The following NPR1 variants were observed in gnomAD, a reference collection of about 807,000 sequenced individuals.
NPR1 encodes the protein natriuretic peptide receptor 1.
Under a neutral mutation model 116.9 loss-of-function variants are expected in NPR1, and 57 were observed. The ratio of observed to expected loss-of-function variants is 0.49; its 90% CI spans 0.39 to 0.61. NPR1 has a LOEUF of 0.61. Among genes scored for constraint, NPR1 ranks in the 20% least tolerant of loss-of-function variants. The pLI is 0.00. For missense variants in NPR1, 1,096 were observed against 1,409.8 expected, an observed-to-expected ratio of 0.78 and a Z score of 3.56; for synonymous variants, 555 against 601.6, an observed-to-expected ratio of 0.92 and a Z score of 1.13.
chr1:153,684,923 G>C, intron 7 of NPR1, 41 bp from the exon 8 acceptor site: 1 of 1,610,802 alleles, frequency 6.2e-7, no homozygotes, highest in Non-Finnish European at 8.5e-7. Flanking sequence ...CCCTGGGTCA[G>C]CGGCTCAGCC....
At chr1:153,692,006 G>C (rs1000718417) in intron 20 of NPR1, among the ~76,000 whole-genome samples, 2 of 152,096 alleles carry the variant, frequency 1.3e-5, no homozygotes, top group African/African-American at 4.8e-5. Flanking sequence ...TGGTCAAAGA[G>C]AGGGTGTGGC....
Position 153,681,838 on chromosome 1 carries a change from A to G in NPR1, c.1170A>G (p.Gln390=). 1 of 1,613,738 alleles carries G rather than the reference A, an allele frequency of 6.2e-7. No individual in the cohort carries two copies. The highest frequency in any genetic ancestry group is 2.2e-5 in the East Asian group (1 of 44,874). ...ITQRMWNRSF[Q]GVTGYLKIDS... is the part of the protein sequence containing the mutation. The stretch of plus-strand genomic sequence containing the variant: ...AGCGGATGTGGAACCGAAGCTTTCA[A>G]GGTCAGGGCCTGGAGGTGGCTGGAA... Residue 390 remains glutamine (Q), a splice_region_variant and synonymous_variant, in exon 4 of 22, where the codon CAA becomes CAG. Transcript: ENST00000368680.
At chr1:153,686,521 A>C in intron 10 of NPR1, 125 bp from the exon 11 acceptor site, 1 of 823,588 alleles carries the variant, frequency 1.2e-6, no homozygotes, top group Non-Finnish European at 2.0e-6. Flanking sequence ...TCACCAGGGA[A>C]GATCTTAGTG....
In NPR1 at chr1:153,685,820, C is replaced by A; in HGVS notation, c.1620C>A (p.Tyr540Ter). The A allele has an allele frequency of 6.2e-7, 1 of 1,614,038 alleles. No individual in the cohort carries two copies. Among genetic ancestry groups the A allele is most frequent in the Non-Finnish European group, 8.5e-7 (1 of 1,179,888 alleles). Reference sequence around the variant, plus strand: ...CCTCCTTTCAGAGAGGCTCCAATTACGGCTCCCTGCTAACCACAGAGGGCC... The same window carrying A: ...CCTCCTTTCAGAGAGGCTCCAATTAAGGCTCCCTGCTAACCACAGAGGGCC... ...RLTLSGRGSN[Y>*]GSLLTTEGQF... is the part of the protein sequence containing the mutation. The change falls in exon 9 of 22, where the codon TAC becomes TAA. Residue 540 changes from tyrosine (Y) to a stop codon, truncating the protein, a stop_gained. Transcript: ENST00000368680. LOFTEE classifies it high-confidence loss of function.
Position 153,689,539 on chromosome 1 carries a change from G to A in NPR1, c.2757+18G>A. ...TGTACAAGGTGAGGGTGGGAGTGGG[G>A]ATGGGAAGGGACAGACAGACATGGA... On this transcript the variant is annotated intron_variant, in intron 18 of 21. Coordinates refer to ENST00000368680, the MANE Select transcript of NPR1 (RefSeq NM_000906.4). The surrounding 1 kb of genome is among the most constrained non-coding windows in gnomAD (Gnocchi z 5.1). 1 of 1,607,532 alleles carries A rather than the reference G, an allele frequency of 6.2e-7. No individual in the cohort carries two copies. The highest frequency in any genetic ancestry group is 8.5e-7 in the Non-Finnish European group (1 of 1,174,040).
At chr1:153,686,907 T>C in intron 11 of NPR1, 109 bp from the exon 12 acceptor site, 5 of 1,328,222 alleles carry the variant, frequency 3.8e-6, no homozygotes, top group Non-Finnish European at 5.4e-6. Context: ...CTAGAGTCAA[T>C]CCAAAGTTTT....
chr1:153,686,038 G>A, intron 9 of NPR1, 85 bp from the exon 10 acceptor site: 1 of 1,465,542 alleles, frequency 6.8e-7, no homozygotes, highest in Non-Finnish European at 9.5e-7. Context: ...GGTCCTGAGG[G>A]CAGGGATGGG....
intron 1 of NPR1, 53 bp from the exon 2 acceptor site, chr1:153,680,448 T>A: frequency 6.4e-7 from 1 of 1,569,286 alleles, no homozygotes; most frequent in Non-Finnish European, 8.8e-7. Flanking sequence ...TTCCTACTCC[T>A]GTCTCTCCCG....
chr1:153,682,323 G>C (rs1169065935), intron 4 of NPR1, among the ~76,000 whole-genome samples, 175 bp from the exon 5 acceptor site: 1 of 152,122 alleles, frequency 6.6e-6, no homozygotes, highest in Admixed American at 6.6e-5. Context: ...GCCTCCCAAA[G>C]TGCTGGGATT....
rs762194917 is a variant in NPR1, at chr1:153,688,991, G to T, written c.2456G>T (p.Arg819Leu). 1.9e-6 allele frequency: 3 copies of T among 1,614,006 alleles called. No homozygotes were observed. The highest frequency in any genetic ancestry group is 1.7e-5 in the Admixed American group (1 of 59,992). ...AACATCCTGGACAACCTGCTGTCCC[G>T]CATGGAGCAGTACGCGAACAATCTG... ...SSNILDNLLS[R>L]MEQYANNLEE... Residue 819 changes from arginine to leucine, a missense_variant, in exon 16 of 22, where the codon CGC (arginine) becomes CTC (leucine). Coordinates refer to ENST00000368680, the MANE Select transcript of NPR1 (RefSeq NM_000906.4).
chr1:153,687,160 C>A, intron 12 of NPR1, 40 bp from the exon 13 acceptor site: 1 of 1,613,852 alleles, frequency 6.2e-7, no homozygotes, highest in Non-Finnish European at 8.5e-7. Context: ...GGGTGTAGGT[C>A]CCACTCCTGG....
intron 7 of NPR1, 70 bp downstream of exon 7, chr1:153,683,894 G>C: frequency 7.3e-7 from 1 of 1,366,824 alleles, no homozygotes. Context: ...GAGGCGGTGG[G>C]GACCCAGAGG....
chr1:153,688,946 C>A lies in NPR1; in HGVS notation c.2418-7C>A. On this transcript the variant is annotated splice_region_variant and splice_polypyrimidine_tract_variant and intron_variant, in intron 15 of 21. Coordinates refer to ENST00000368680, the MANE Select transcript of NPR1 (RefSeq NM_000906.4). ...TTACCACCCCCACCGCCACCCTCTG[C>A]CCCCAGGGAGAACAGCAGCAACATC... The A allele has an allele frequency of 6.2e-7, 1 of 1,613,960 alleles. No individual in the cohort carries two copies. The highest frequency in any genetic ancestry group is 8.5e-7 in the Non-Finnish European group (1 of 1,179,918).
At chr1:153,687,914 A>T in intron 14 of NPR1, 125 bp downstream of exon 14, 1 of 1,163,106 alleles carries the variant, frequency 8.6e-7, no homozygotes, top group Non-Finnish European at 1.2e-6. Context: ...CCACCCTTTG[A>T]CCCATTGCTG....
At chr1:153,683,564 C>T in intron 6 of NPR1, 53 bp downstream of exon 6, 1 of 1,609,050 alleles carries the variant, frequency 6.2e-7, no homozygotes, top group Non-Finnish European at 8.5e-7. Flanking sequence ...GCATCCTTCC[C>T]CTAAGCACAG....
At position 153,679,759 on chromosome 1, in the gene NPR1, C is replaced by T. The variant is rs1366445931; in HGVS notation, c.651C>T (p.His217=). The stretch of plus-strand genomic sequence containing the variant: ...ACCGCCTCAATATTACGGTGGACCA[C>T]CTGGAGTTCGCCGAGGACGACCTCA... ...VRDRLNITVD[H]LEFAEDDLSH... Residue 217 remains histidine (H), a synonymous_variant, in exon 1 of 22, where the codon CAC becomes CAT. Coordinates refer to ENST00000368680, the MANE Select transcript of NPR1 (RefSeq NM_000906.4). The surrounding 1 kb of genome is among the most constrained non-coding windows in gnomAD (Gnocchi z 4.2). 3 of 1,582,984 alleles carry T rather than the reference C, an allele frequency of 1.9e-6. No individual in the cohort carries two copies. The highest frequency in any genetic ancestry group is 2.6e-6 in the Non-Finnish European group (3 of 1,168,614).
rs1158154387 is a variant in NPR1, at chr1:153,689,678, C to T, written c.2758-128C>T. 1 of 1,232,442 alleles carries T rather than the reference C, an allele frequency of 8.1e-7. No homozygotes were observed. The highest frequency in any genetic ancestry group is 1.1e-6 in the Non-Finnish European group (1 of 878,936). 76.3% of individuals were successfully genotyped at this position (1,232,442 alleles called of 1,614,324 possible). A position where few individuals can be genotyped will look rare whatever the true frequency, so the allele number is the denominator to read the frequency against. Reference sequence around the variant, plus strand: ...GAGACCCGGGAACAGGCAGAGAACCCATGTGGGATGGGGGATGAGCAAAGA... The same window carrying T: ...GAGACCCGGGAACAGGCAGAGAACCTATGTGGGATGGGGGATGAGCAAAGA... On this transcript the variant is annotated intron_variant, in intron 18 of 21. Transcript: ENST00000368680. This position sits in a 1 kb window ranked among gnomAD's most constrained non-coding sequence, Gnocchi z 5.1.
At position 153,679,727 on chromosome 1, in the gene NPR1, G is replaced by A; in HGVS notation, c.619G>A (p.Val207Ile). 1.2e-6 allele frequency: 2 copies of A among 1,605,064 alleles called. No homozygotes were observed. Among genetic ancestry groups the A allele is most frequent in the South Asian group, 2.2e-5 (2 of 90,134 alleles). ...CCTCGTGGAGGGGCTGTTCATGCGG[G>A]TCCGCGACCGCCTCAATATTACGGT... ...FFLVEGLFMR[V>I]RDRLNITVDH... Residue 207 changes from valine to isoleucine, a missense_variant, in exon 1 of 22, where the codon GTC (valine) becomes ATC (isoleucine). By Grantham distance (29) the Val-to-Ile change is conservative (BLOSUM62 3). Transcript: ENST00000368680. The surrounding 1 kb of genome is among the most constrained non-coding windows in gnomAD (Gnocchi z 4.2).
At chr1:153,690,427 G>A (rs1425908812) in intron 20 of NPR1, 45 bp downstream of exon 20, 14 of 1,440,648 alleles carry the variant, frequency 9.7e-6, no homozygotes, top group Non-Finnish European at 1.2e-5. Flanking sequence ...CAGGGTGGCT[G>A]AGGGAAATGC....
Sources: allele counts gnomAD v4.1 joint callset (sites outside exome capture counted in the v4.1 genomes callset), GRCh38; gene constraint gnomAD v4.1.1; non-coding constraint Gnocchi (gnomAD v3.1); transcripts MANE v1.5; gene names NCBI Gene and HGNC (gene_info 2026-07-23, HGNC 2026-07-21).